TMEM163: variants seen among roughly 807,000 people sequenced by gnomAD.
TMEM163 encodes the protein transmembrane protein 163.
TMEM163 carries 17 observed loss-of-function variants against 29.3 expected under a neutral mutation model. The observed-to-expected ratio is 0.58, with a 90% confidence interval of 0.40 to 0.87. The LOEUF is 0.87. TMEM163 is among the 40% of genes least tolerant of loss of function. The pLI, the probability that TMEM163 is intolerant of heterozygous loss-of-function variation, is 0.00. For missense variants in TMEM163, 303 were observed against 381.5 expected (o/e 0.79, Z 1.71); for synonymous variants, 157 against 160.6 (o/e 0.98, Z 0.17).
chr2:134,497,307 G>A (rs1679591448), intron 5 of TMEM163, among the ~76,000 whole-genome samples: 1 of 152,206 alleles, frequency 6.6e-6, no homozygotes, highest in African/African-American at 2.4e-5. Context: ...GTCTGGAGAT[G>A]AGCAATCAAA....
intron 2 of TMEM163, among the ~76,000 whole-genome samples, chr2:134,594,961 T>C (rs1205261179): frequency 6.6e-6 from 1 of 151,550 alleles, no homozygotes; most frequent in Non-Finnish European, 1.5e-5. Context: ...TATAGCAAGG[T>C]AATAGGTTAC....
chr2:134,514,825 T>C (rs1680023181), intron 4 of TMEM163, among the ~76,000 whole-genome samples: 1 of 152,224 alleles, frequency 6.6e-6, no homozygotes, highest in Non-Finnish European at 1.5e-5. Context: ...TCACTGTACC[T>C]GCGCAGAAAC....
intron 5 of TMEM163, among the ~76,000 whole-genome samples, chr2:134,473,771 A>G (rs1031674677): frequency 6.6e-6 from 1 of 152,204 alleles, no homozygotes; most frequent in Non-Finnish European, 1.5e-5. Flanking sequence ...CTTGATGCCA[A>G]TAAATTTGAC....
intron 2 of TMEM163, among the ~76,000 whole-genome samples, chr2:134,691,241 T>G (rs1351873870): frequency 6.6e-6 from 1 of 152,180 alleles, no homozygotes; most frequent in Non-Finnish European, 1.5e-5. Context: ...TCTTCATCTC[T>G]CTGCTGCTGG....
chr2:134,587,443 C>T (rs1415980044), intron 2 of TMEM163, among the ~76,000 whole-genome samples: 1 of 152,036 alleles, frequency 6.6e-6, no homozygotes, highest in African/African-American at 2.4e-5. Flanking sequence ...GTATCACCCC[C>T]GTGTGAGAAG....
chr2:134,667,128 C>A (rs562941085), intron 2 of TMEM163, among the ~76,000 whole-genome samples: 34 of 152,340 alleles, frequency 2.2e-4, no homozygotes, highest in Admixed American at 2.0e-3. Flanking sequence ...ATTCCGAAAT[C>A]AAACGTGCAC....
At chr2:134,692,828 T>C (rs1018201877) in intron 2 of TMEM163, among the ~76,000 whole-genome samples, 6 of 152,164 alleles carry the variant, frequency 3.9e-5, no homozygotes, top group African/African-American at 1.4e-4. Flanking sequence ...CAGCTTCACA[T>C]ATTTATTTTG....
intron 2 of TMEM163, among the ~76,000 whole-genome samples, chr2:134,558,288 T>C (rs934740080): frequency 1.3e-5 from 2 of 152,204 alleles, no homozygotes; most frequent in African/African-American, 4.8e-5. Flanking sequence ...AGAATGTCAC[T>C]TGCAGTCTGA....
chr2:134,715,405 ACTT>A (rs1685017078), intron 1 of TMEM163, among the ~76,000 whole-genome samples: 1 of 152,206 alleles, frequency 6.6e-6, no homozygotes, highest in East Asian at 1.9e-4. Flanking sequence ...TACGACCAGT[ACTT>A]CTTCCCCAGA....
chr2:134,465,595 A>G (rs1686654833), intron 6 of TMEM163, among the ~76,000 whole-genome samples: 1 of 152,210 alleles, frequency 6.6e-6, no homozygotes, highest in Admixed American at 6.5e-5. Context: ...CCTGTCCCAC[A>G]GGGACACACA....
In TMEM163 at chr2:134,650,858, A is replaced by G. The variant is rs1399516882; in HGVS notation, c.322+62342T>C. Among the ~76,000 whole-genome samples the G allele has an allele frequency of 2.2e-5, 3 of 135,228 alleles. 1 individual carries two copies. The highest frequency in any genetic ancestry group is 9.8e-5 in the African/African-American group (3 of 30,742). The allele number at this position is 135,228 out of a possible 152,430, so 88.7% of individuals were successfully genotyped here. Reference sequence around the variant, plus strand: ...GATTTCCAATTTCATCCATGTCCCTACAAAGGACACGAACTCATCATTTTT... The same window carrying G: ...GATTTCCAATTTCATCCATGTCCCTGCAAAGGACACGAACTCATCATTTTT... On this transcript the variant is annotated intron_variant, in intron 2 of 7. Coordinates refer to ENST00000281924, the MANE Select transcript of TMEM163 (RefSeq NM_030923.5).
At chr2:134,645,251 T>G (rs1421913506) in intron 2 of TMEM163, among the ~76,000 whole-genome samples, 1 of 152,196 alleles carries the variant, frequency 6.6e-6, no homozygotes, top group African/African-American at 2.4e-5. Context: ...GACCCAGCAA[T>G]CCTACACCTA....
At chr2:134,591,845 T>C (rs1681940985) in intron 2 of TMEM163, among the ~76,000 whole-genome samples, 1 of 150,872 alleles carries the variant, frequency 6.6e-6, no homozygotes, top group Non-Finnish European at 1.5e-5. Flanking sequence ...TGTTTTCCTG[T>C]AGCAATCACA....
At chr2:134,549,914 CTTT>C (rs1413784440) in intron 4 of TMEM163, among the ~76,000 whole-genome samples, 3 of 151,986 alleles carry the variant, frequency 2.0e-5, no homozygotes, top group African/African-American at 7.3e-5. Flanking sequence ...GAGGAATTGT[CTTT>C]TTCTTGCTTT....
At chr2:134,636,426 A>C (rs1186434835) in intron 2 of TMEM163, among the ~76,000 whole-genome samples, 1 of 152,228 alleles carries the variant, frequency 6.6e-6, no homozygotes, top group African/African-American at 2.4e-5. Context: ...GTTCAATGTC[A>C]TTTAATTATC....
intron 5 of TMEM163, among the ~76,000 whole-genome samples, chr2:134,481,282 A>T (rs1011666972): frequency 6.6e-6 from 1 of 151,344 alleles, no homozygotes; most frequent in Non-Finnish European, 1.5e-5. Context: ...AGGTGATATG[A>T]TTTGGCTACA....
chr2:134,634,544 T>G (rs566526471), intron 2 of TMEM163, among the ~76,000 whole-genome samples: 1 of 152,286 alleles, frequency 6.6e-6, no homozygotes, highest in South Asian at 2.1e-4. Flanking sequence ...CAGCTAGTGC[T>G]TTTGGCTGAC....
intron 6 of TMEM163, 95 bp from the exon 7 acceptor site, chr2:134,458,268 T>C (rs1338020454): frequency 6.8e-7 from 1 of 1,476,322 alleles, no homozygotes; most frequent in Non-Finnish European, 9.3e-7. Context: ...CTGGAGCATG[T>C]GCTGGGAGGA....
At chr2:134,476,317 A>C (rs1686911742) in intron 5 of TMEM163, among the ~76,000 whole-genome samples, 2 of 152,214 alleles carry the variant, frequency 1.3e-5, no homozygotes, top group African/African-American at 2.4e-5. Context: ...AGAGGAGGTG[A>C]TTAATGACAG....
Sources: allele counts gnomAD v4.1 joint callset (sites outside exome capture counted in the v4.1 genomes callset), GRCh38; gene constraint gnomAD v4.1.1; transcripts MANE v1.5; gene names NCBI Gene and HGNC (gene_info 2026-07-23, HGNC 2026-07-21).